The following COL1A2 variants were observed in gnomAD, a reference collection of about 807,000 sequenced individuals.
COL1A2 encodes the protein collagen alpha-2(I) chain.
COL1A2 carries 49 observed loss-of-function variants against 174.3 expected under a neutral mutation model. That is an observed-to-expected ratio of 0.28 (90% CI 0.22 to 0.36). The LOEUF (loss-of-function observed/expected upper bound fraction) is 0.36, where lower values mean the gene tolerates loss of function less well. COL1A2 is among the 10% of genes least tolerant of loss of function. The pLI is 1.00. For missense variants in COL1A2, 1,438 were observed against 1,822.7 expected, an observed-to-expected ratio of 0.79 and a Z score of 3.84; for synonymous variants, 655 against 606.6, an observed-to-expected ratio of 1.08 and a Z score of -1.17.
rs1456991343 is a variant in COL1A2 at position 94,401,638 on chromosome 7, T to C, written c.279+18T>C. On this transcript the variant is annotated intron_variant, in intron 6 of 51. Coordinates refer to ENST00000297268, the MANE Select transcript of COL1A2 (RefSeq NM_000089.4). ...GACCAATGGTATGCTTATCTGTTTA[T>C]CTTAGCCAAAAAAATTGCTAAATAA... 2.5e-6 allele frequency: 4 copies of C among 1,577,774 alleles called. No individual in the cohort carries two copies. Among genetic ancestry groups the C allele is most frequent in the Non-Finnish European group, 2.6e-6 (3 of 1,155,780 alleles).
intron 30 of COL1A2, among the ~76,000 whole-genome samples, chr7:94,416,100 A>G (rs1227608216): frequency 3.9e-5 from 6 of 152,270 alleles, no homozygotes; most frequent in Middle Eastern, 6.8e-3. Context: ...GTTTTTACCT[A>G]TGGATTTATC....
In COL1A2 at chr7:94,409,345, C is replaced by CGCTGGTCCT. The variant is rs774553579; in HGVS notation, c.825_833dup (p.Ala279_Pro281dup). 2 of 1,614,082 alleles carry CGCTGGTCCT rather than the reference C, an allele frequency of 1.2e-6. No individual in the cohort carries two copies. Among genetic ancestry groups the CGCTGGTCCT allele is most frequent in the Admixed American group, 1.7e-5 (1 of 60,018 alleles). On this transcript the variant is annotated inframe_insertion, in exon 17 of 52. Coordinates refer to ENST00000297268, the MANE Select transcript of COL1A2 (RefSeq NM_000089.4). ...AGGGTGAAATTGGAGCTGTTGGTAA[C>CGCTGGTCCT]GCTGGTCCTGCTGGTCCCGCCGGTC...
chr7:94,421,810 AC>A (rs1343030349), intron 38 of COL1A2, 88 bp from the exon 39 acceptor site: 1 of 660,772 alleles, frequency 1.5e-6, no homozygotes, highest in Non-Finnish European at 2.3e-6. Context: ...GGTCACATGT[AC>A]TGATTTTCCA....
At chr7:94,400,024 C>G in intron 4 of COL1A2, 172 bp from the exon 5 acceptor site, 1 of 771,944 alleles carries the variant, frequency 1.3e-6, no homozygotes, top group Non-Finnish European at 2.3e-6. Flanking sequence ...AGTTATTAAC[C>G]CTCTTTCTAA....
chr7:94,408,640 T>C, intron 15 of COL1A2, 130 bp from the exon 16 acceptor site: 2 of 1,044,668 alleles, frequency 1.9e-6, no homozygotes, highest in Non-Finnish European at 2.9e-6. Flanking sequence ...AACAGACTGG[T>C]TGTCAGTTTT....
chr7:94,422,420 G>GAA, intron 39 of COL1A2: 1 of 157,268 alleles, frequency 6.4e-6, no homozygotes, highest in South Asian at 1.8e-4. Flanking sequence ...AGGTTTCTGG[G>GAA]AAAAAAAAAT....
At chr7:94,414,013 C>A (rs138409741) in intron 28 of COL1A2, 66 bp downstream of exon 28, 1 of 1,446,852 alleles carries the variant, frequency 6.9e-7, no homozygotes, top group Non-Finnish European at 9.7e-7. Flanking sequence ...ATCACCATAC[C>A]GTACCTCTCT....
chr7:94,398,942 T>G (rs1791633806), intron 3 of COL1A2, 107 bp from the exon 4 acceptor site: 7 of 1,008,642 alleles, frequency 6.9e-6, no homozygotes, highest in Non-Finnish European at 1.1e-5. Flanking sequence ...AATAACATTG[T>G]AGTTACATCA....
At chr7:94,415,013 G>C (rs547872024) in intron 29 of COL1A2, among the ~76,000 whole-genome samples, 2 of 152,244 alleles carry the variant, frequency 1.3e-5, no homozygotes, top group South Asian at 2.1e-4. Context: ...TTGATACCAA[G>C]TTCTGGGATG....
At chr7:94,413,041 G>T in intron 25 of COL1A2, 42 bp from the exon 26 acceptor site, 2 of 1,590,212 alleles carry the variant, frequency 1.3e-6, no homozygotes, top group South Asian at 1.1e-5. Context: ...GACATTAAAT[G>T]TGCAAAGCTG....
At chr7:94,408,626 C>G in intron 15 of COL1A2, 144 bp from the exon 16 acceptor site, 1 of 1,007,242 alleles carries the variant, frequency 9.9e-7, no homozygotes, top group Non-Finnish European at 1.5e-6. Context: ...GAGATCCTAA[C>G]GACAACAGAC....
chr7:94,415,381 C>A, intron 30 of COL1A2, 111 bp downstream of exon 30: 1 of 931,630 alleles, frequency 1.1e-6, no homozygotes, highest in Non-Finnish European at 1.8e-6. Flanking sequence ...TGATGCTCTT[C>A]TATAGTCAAA....
In COL1A2 at chr7:94,407,866, G is replaced by C. The variant is rs1443518475; in HGVS notation, c.614G>C (p.Gly205Ala). The C allele has an allele frequency of 1.6e-5, 26 of 1,614,024 alleles. No homozygotes were observed. The highest frequency in any genetic ancestry group is 2.2e-5 in the Non-Finnish European group (26 of 1,179,946). The change falls in exon 13 of 52, where the codon GGT becomes GCT. Residue 205 changes from glycine (G) to alanine (A), a missense_variant. Physicochemically the swap from Gly to Ala is moderately conservative, Grantham distance 60. Coordinates refer to ENST00000297268, the MANE Select transcript of COL1A2 (RefSeq NM_000089.4). ...PGVKGEPGAP[G>A]ENGTPGQTGA... ...ATGTAGGGTGAACCTGGTGCCCCTG[G>C]TGAAAATGGAACTCCAGGTCAAACA...
chr7:94,428,817 C>T (rs970556163), intron 50 of COL1A2, among the ~76,000 whole-genome samples: 1 of 152,170 alleles, frequency 6.6e-6, no homozygotes, highest in Non-Finnish European at 1.5e-5. Flanking sequence ...TTAATCAAAC[C>T]TTTTCACCAA....
intron 4 of COL1A2, 94 bp downstream of exon 4, chr7:94,399,178 G>GGATACATAA: frequency 8.6e-7 from 1 of 1,168,914 alleles, no homozygotes; most frequent in Non-Finnish European, 1.3e-6. Flanking sequence ...AGAATATTAT[G>GGATACATAA]TATCCAGATA....
chr7:94,430,073 TC>T, intron 51 of COL1A2, 173 bp from the exon 52 acceptor site: 1 of 661,598 alleles, frequency 1.5e-6, no homozygotes, highest in East Asian at 2.7e-5. Flanking sequence ...AGGGAGCCCC[TC>T]CCACTAAAGA....
intron 49 of COL1A2, among the ~76,000 whole-genome samples, 157 bp from the exon 50 acceptor site, chr7:94,428,136 T>C (rs1792321854): frequency 6.6e-6 from 1 of 152,174 alleles, no homozygotes; most frequent in African/African-American, 2.4e-5. Context: ...GGGAAGGAAC[T>C]GTCTAATCTT....
At chr7:94,429,516 A>AG (rs1021273892) in intron 51 of COL1A2, 86 bp downstream of exon 51, 5 of 1,460,552 alleles carry the variant, frequency 3.4e-6, no homozygotes, top group African/African-American at 2.8e-5. Context: ...GGGGGTCTAA[A>AG]GGGGGGTTAA....
intron 4 of COL1A2, 112 bp downstream of exon 4, chr7:94,399,196 A>T: frequency 2.2e-6 from 2 of 925,998 alleles, no homozygotes; most frequent in Non-Finnish European, 1.8e-6. Flanking sequence ...ATAATTGTAC[A>T]CCCCTTTAAA....
Sources: gnomAD v4.1 joint callset for allele counts (sites outside exome capture counted in the v4.1 genomes callset) on GRCh38, gnomAD v4.1.1 for gene constraint, MANE v1.5 for transcripts, NCBI Gene and HGNC (gene_info 2026-07-23, HGNC 2026-07-21) for gene names.